The following TMTC2 variants were observed in gnomAD, a reference collection of about 807,000 sequenced individuals.
TMTC2 encodes transmembrane O-mannosyltransferase targeting cadherins 2, also known as protein O-mannosyl-transferase TMTC2.
A neutral mutation model predicts 82.4 loss-of-function variants in TMTC2; 43 were observed. The observed-to-expected ratio is 0.52, with a 90% CI of 0.41 to 0.67. The LOEUF (loss-of-function observed/expected upper bound fraction) is 0.67. Among genes scored for constraint, TMTC2 ranks in the 30% least tolerant of loss-of-function variants. The probability of loss-of-function intolerance (pLI) is 0.00; values close to 1 mark genes in which losing one functional copy is unlikely to be tolerated. For synonymous variants in TMTC2, 408 were observed against 381.9 expected (o/e 1.07, Z -0.80); for missense variants, 919 against 1,012.4 (o/e 0.91, Z 1.25).
At chr12:82,986,220 A>G (rs1019608290) in intron 8 of TMTC2, 174 bp downstream of exon 8, 4 of 815,664 alleles carry the variant, frequency 4.9e-6, no homozygotes, top group African/African-American at 1.7e-5. Context: ...TACTTTGCCT[A>G]TGAGGTTTGG....
At chr12:82,793,153 A>G (rs1387824115) in intron 1 of TMTC2, among the ~76,000 whole-genome samples, 1 of 152,108 alleles carries the variant, frequency 6.6e-6, no homozygotes, top group Non-Finnish European at 1.5e-5. Flanking sequence ...TATCCTCACT[A>G]CCTAGCTATT....
intron 1 of TMTC2, among the ~76,000 whole-genome samples, chr12:82,748,801 T>C (rs4882524): frequency 0.95 from 144,858 of 152,200 alleles, 69,349 homozygotes; most frequent in East Asian, 1. Flanking sequence ...CGCTTGAACC[T>C]GGGAGGCAGA....
At chr12:83,046,243 C>A (rs546354140) in intron 9 of TMTC2, among the ~76,000 whole-genome samples, 1 of 152,248 alleles carries the variant, frequency 6.6e-6, no homozygotes, top group South Asian at 2.1e-4. Flanking sequence ...GCTAGCTAAT[C>A]CCAGATGTCA....
chr12:82,967,177 A>G (rs1057061089), intron 7 of TMTC2, among the ~76,000 whole-genome samples, 180 bp downstream of exon 7: 4 of 152,152 alleles, frequency 2.6e-5, no homozygotes, highest in Non-Finnish European at 2.9e-5. Context: ...TGACAAATAA[A>G]TGCATTAAAG....
rs1271920285 is a variant in TMTC2 at position 82,719,059 on chromosome 12, T to TTATATA, written c.83+31412_83+31417dup. On this transcript the variant is annotated intron_variant, in intron 1 of 11. Coordinates refer to ENST00000321196, the MANE Select transcript of TMTC2 (RefSeq NM_152588.3). ...TACAATTCTACAGCTTTAGATGATT[T>TTATATA]TATATATATATATATATATATATAT... 4.5e-3 allele frequency among the ~76,000 whole-genome samples: 423 copies of TTATATA among 94,384 alleles called. 13 individuals carry two copies. Among genetic ancestry groups the TTATATA allele is most frequent in the African/African-American group, 0.011 (239 of 21,506 alleles). The allele number at this position is 94,384 out of a possible 152,430, so 61.9% of individuals were successfully genotyped here.
At chr12:82,918,936 T>G (rs2137224486) in intron 3 of TMTC2, among the ~76,000 whole-genome samples, 1 of 152,264 alleles carries the variant, frequency 6.6e-6, no homozygotes, top group Middle Eastern at 3.4e-3. Flanking sequence ...TTTTGTATTT[T>G]CAGTAGAGAT....
At chr12:82,965,440 G>C (rs914510383) in intron 5 of TMTC2, 120 bp from the exon 6 acceptor site, 17 of 1,004,444 alleles carry the variant, frequency 1.7e-5, no homozygotes, top group Admixed American at 2.6e-5. Flanking sequence ...TGTGTCATAA[G>C]TATTTTTTTC....
intron 1 of TMTC2, among the ~76,000 whole-genome samples, chr12:82,708,872 T>C (rs1873496543): frequency 6.6e-6 from 1 of 152,214 alleles, no homozygotes; most frequent in Non-Finnish European, 1.5e-5. Flanking sequence ...AGCTCAGTGC[T>C]AAGCAGCAGT....
intron 2 of TMTC2, among the ~76,000 whole-genome samples, chr12:82,863,680 G>T (rs1026076605): frequency 6.6e-6 from 1 of 152,112 alleles, no homozygotes; most frequent in Non-Finnish European, 1.5e-5. Flanking sequence ...ACCATTGCAA[G>T]CATCTATAAT....
chr12:83,084,806 A>G (rs896403093), intron 11 of TMTC2, among the ~76,000 whole-genome samples: 15 of 152,238 alleles, frequency 9.9e-5, no homozygotes, highest in African/African-American at 3.6e-4. Flanking sequence ...TAACAGGACA[A>G]GGCACAACTC....
At chr12:83,085,160 CTG>C (rs1284231980) in intron 11 of TMTC2, among the ~76,000 whole-genome samples, 1 of 152,114 alleles carries the variant, frequency 6.6e-6, no homozygotes, top group East Asian at 1.9e-4. Flanking sequence ...GCTGTTTGTT[CTG>C]TGAGTCCCTT....
At chr12:82,777,131 C>T (rs1390659587) in intron 1 of TMTC2, among the ~76,000 whole-genome samples, 1 of 152,040 alleles carries the variant, frequency 6.6e-6, no homozygotes, top group African/African-American at 2.4e-5. Flanking sequence ...TGGTCACACC[C>T]TTGAATTTGC....
rs187940069 is a variant in TMTC2, at chr12:82,815,897, G to A, written c.84-41113G>A. 2.4e-4 allele frequency among the ~76,000 whole-genome samples: 36 copies of A among 152,220 alleles called. No individual in the cohort carries two copies. In the East Asian group the frequency reaches 6.2e-3, roughly 26 times the overall value. On this transcript the variant is annotated intron_variant, in intron 1 of 11. Transcript: ENST00000321196. The stretch of plus-strand genomic sequence containing the variant: ...CACAGGTACATGGACTGAGGATAGA[G>A]TGGGACTGGTTTAGTCTGAGGAAGT...
chr12:83,087,213 A>C (rs545747561), intron 11 of TMTC2, among the ~76,000 whole-genome samples: 1 of 152,308 alleles, frequency 6.6e-6, no homozygotes, highest in South Asian at 2.1e-4. Flanking sequence ...GCAACTCCTC[A>C]TCCATTCAAG....
intron 4 of TMTC2, among the ~76,000 whole-genome samples, chr12:82,955,197 T>C (rs1877549641): frequency 2.0e-5 from 3 of 152,224 alleles, no homozygotes; most frequent in African/African-American, 7.2e-5. Flanking sequence ...ACCCACTAAA[T>C]GCCAGTTACA....
At chr12:83,096,416 A>G in intron 11 of TMTC2, among the ~76,000 whole-genome samples, 1 of 152,130 alleles carries the variant, frequency 6.6e-6, no homozygotes, top group African/African-American at 2.4e-5. Context: ...TGGACATTGT[A>G]TTCGTGTGAT....
chr12:82,687,324 G>T lies in TMTC2; in HGVS notation c.-263G>T. ...CCGCCGGGGGACGCGGAGCCCAAAC[G>T]CCGCTCACCGCTTGCGGGCGCCGGG... On this transcript the variant is annotated 5_prime_UTR_variant, in exon 1 of 12. Coordinates refer to ENST00000321196, the MANE Select transcript of TMTC2 (RefSeq NM_152588.3). 1.9e-6 allele frequency: 1 copy of T among 533,108 alleles called. No individual in the cohort carries two copies. The highest frequency in any genetic ancestry group is 3.4e-6 in the Non-Finnish European group (1 of 295,292). The allele number at this position is 533,108 out of a possible 1,614,324, so 33.0% of individuals were successfully genotyped here. A position where few individuals can be genotyped will look rare whatever the true frequency, so the allele number is the denominator to read the frequency against.
At chr12:82,821,396 A>G (rs1365069608) in intron 1 of TMTC2, among the ~76,000 whole-genome samples, 1 of 152,080 alleles carries the variant, frequency 6.6e-6, no homozygotes, top group Non-Finnish European at 1.5e-5. Flanking sequence ...TTAATTATCA[A>G]CTCATGTTGG....
chr12:83,113,757 A>C (rs75634294), intron 11 of TMTC2, among the ~76,000 whole-genome samples: 15 of 152,186 alleles, frequency 9.9e-5, no homozygotes, highest in African/African-American at 3.6e-4. Context: ...GTAAAAGTGC[A>C]AATAGAATGC....
Sources: allele counts gnomAD v4.1 joint callset (sites outside exome capture counted in the v4.1 genomes callset), GRCh38; gene constraint gnomAD v4.1.1; transcripts MANE v1.5; gene names NCBI Gene and HGNC (gene_info 2026-07-23, HGNC 2026-07-21).